The following PAPSS2 variants were observed in gnomAD, a reference collection of about 807,000 sequenced individuals.
PAPSS2 encodes the protein bifunctional 3'-phosphoadenosine 5'-phosphosulfate synthase 2.
A neutral mutation model predicts 66.5 loss-of-function variants in PAPSS2; 61 were observed. The ratio of observed to expected loss-of-function variants is 0.92; its 90% CI spans 0.75 to 1.14. PAPSS2 has a LOEUF of 1.14. Ranked by LOEUF, PAPSS2 falls within the 50% of genes most tolerant of loss-of-function variation. PAPSS2 has a pLI of 0.00. For missense variants in PAPSS2, 708 were observed against 789.6 expected, an observed-to-expected ratio of 0.90 and a Z score of 1.24; for synonymous variants, 289 against 287.5, an observed-to-expected ratio of 1.01 and a Z score of -0.05.
chr10:87,732,530 A>T (rs1853742132), intron 9 of PAPSS2, among the ~76,000 whole-genome samples: 1 of 152,282 alleles, frequency 6.6e-6, no homozygotes, highest in South Asian at 2.1e-4. Context: ...TCTCAAAAAA[A>T]AAAAAAGTTT....
chr10:87,681,300 G>A (rs1853018082), intron 1 of PAPSS2, among the ~76,000 whole-genome samples: 1 of 152,194 alleles, frequency 6.6e-6, no homozygotes, highest in Non-Finnish European at 1.5e-5. Flanking sequence ...CCCTGGCTTT[G>A]AAGTTCTTGA....
At chr10:87,687,935 T>A (rs549075154) in intron 1 of PAPSS2, among the ~76,000 whole-genome samples, 1 of 152,222 alleles carries the variant, frequency 6.6e-6, no homozygotes, top group Non-Finnish European at 1.5e-5. Context: ...ATGATTTGAT[T>A]TAGACTGTGC....
intron 10 of PAPSS2, among the ~76,000 whole-genome samples, chr10:87,743,041 T>C (rs1255654155): frequency 2.0e-5 from 3 of 151,960 alleles, no homozygotes; most frequent in Admixed American, 1.3e-4. Flanking sequence ...AGGTCAGGGG[T>C]TCGAGACCAG....
chr10:87,678,082 A>G (rs1222096511), intron 1 of PAPSS2, among the ~76,000 whole-genome samples: 1 of 152,218 alleles, frequency 6.6e-6, no homozygotes, highest in African/African-American at 2.4e-5. Flanking sequence ...TATAATACAC[A>G]TTCAGATACT....
chr10:87,680,363 G>T (rs1853004283), intron 1 of PAPSS2, among the ~76,000 whole-genome samples: 1 of 152,162 alleles, frequency 6.6e-6, no homozygotes, highest in South Asian at 2.1e-4. Context: ...AAATGGTGGT[G>T]TGGGGTGCTT....
intron 1 of PAPSS2, among the ~76,000 whole-genome samples, chr10:87,688,443 T>TTTTATTTATTTA (rs60199058): frequency 0.043 from 5,967 of 138,086 alleles, 243 homozygotes; most frequent in Admixed American, 0.096. Context: ...TTCTTTTTTA[T>TTTTATTTATTTA]TTTATTTATT....
chr10:87,676,969 A>G (rs936615435), intron 1 of PAPSS2, among the ~76,000 whole-genome samples: 9 of 149,120 alleles, frequency 6.0e-5, no homozygotes, highest in Admixed American at 1.3e-4. Context: ...CGAGGCAGGC[A>G]GATCACTTGA....
At chr10:87,662,570 T>G (rs10887738) in intron 1 of PAPSS2, among the ~76,000 whole-genome samples, 1 of 40,776 alleles carries the variant, frequency 2.5e-5, no homozygotes, top group Non-Finnish European at 5.6e-5. Flanking sequence ...CCCCACCCCC[T>G]ATACACACAC....
At chr10:87,688,552 C>T (rs1041137212) in intron 1 of PAPSS2, among the ~76,000 whole-genome samples, 8 of 151,802 alleles carry the variant, frequency 5.3e-5, no homozygotes, top group East Asian at 1.9e-4. Context: ...CTCCGCCCCC[C>T]GGGTTCATGC....
chr10:87,685,922 T>A (rs543139928), intron 1 of PAPSS2, among the ~76,000 whole-genome samples: 54 of 152,296 alleles, frequency 3.5e-4, no homozygotes, highest in African/African-American at 1.3e-3. Context: ...GTTCTATTTC[T>A]GCATCTCTCC....
At chr10:87,714,282 C>A in intron 4 of PAPSS2, 100 bp downstream of exon 4, 1 of 1,340,574 alleles carries the variant, frequency 7.5e-7, no homozygotes, top group South Asian at 1.2e-5. Context: ...AAACTGTTTT[C>A]CAAAATTGCA....
rs997010059 is a variant in PAPSS2, at chr10:87,725,082, A to G, written c.881-2202A>G. Among the ~76,000 whole-genome samples, 10 of 152,140 alleles carry G rather than the reference A, an allele frequency of 6.6e-5. No individual in the cohort carries two copies. In the East Asian group the frequency reaches 1.9e-3, roughly 29 times the overall value. On this transcript the variant is annotated intron_variant, in intron 8 of 12. Transcript: ENST00000456849. Reference sequence around the variant, plus strand: ...GACTGATTGGATGAGGCCCACTCACATTCTGGAGGGTACTCTACTTTACTC... The same window carrying G: ...GACTGATTGGATGAGGCCCACTCACGTTCTGGAGGGTACTCTACTTTACTC...
At chr10:87,670,177 GC>G (rs1186187399) in intron 1 of PAPSS2, among the ~76,000 whole-genome samples, 1 of 152,190 alleles carries the variant, frequency 6.6e-6, no homozygotes. Context: ...AGTTTTTATT[GC>G]CTAGCCTTAC....
At chr10:87,689,340 CAAA>C (rs58947357) in intron 1 of PAPSS2, among the ~76,000 whole-genome samples, 2 of 98,584 alleles carry the variant, frequency 2.0e-5, no homozygotes, top group Admixed American at 1.1e-4. Context: ...AACTCCATCT[CAAA>C]AAAAAAAAAA....
intron 9 of PAPSS2, among the ~76,000 whole-genome samples, chr10:87,727,744 A>G (rs1399161191): frequency 6.6e-6 from 1 of 152,178 alleles, no homozygotes; most frequent in Non-Finnish European, 1.5e-5. Context: ...TCCTCAGCTA[A>G]ATGGGACCAG....
Position 87,747,360 on chromosome 10 carries a change from A to G in PAPSS2, c.*1390A>G, listed in dbSNP as rs1853954998. On this transcript the variant is annotated 3_prime_UTR_variant, in exon 13 of 13. Coordinates refer to ENST00000456849, the MANE Select transcript of PAPSS2 (RefSeq NM_001015880.2). ...TCTCTGGAAGAGACCTAAATTAGAA[A>G]GAGAAAACTGTGACAATTTTCATAT... The G allele has an allele frequency of 6.6e-6, 1 of 152,198 alleles. No individual in the cohort carries two copies. 9.4% of individuals were successfully genotyped at this position (152,198 alleles called of 1,614,324 possible). A position where few individuals can be genotyped will look rare whatever the true frequency, so the allele number is the denominator to read the frequency against.
chr10:87,744,764 T>C (rs1853915225), intron 11 of PAPSS2, among the ~76,000 whole-genome samples: 1 of 152,188 alleles, frequency 6.6e-6, no homozygotes, highest in South Asian at 2.1e-4. Context: ...GGAGAAGAGA[T>C]GAGGAAATAC....
In PAPSS2 at chr10:87,727,340, A is replaced by C; in HGVS notation, c.937A>C (p.Thr313Pro). Residue 313 changes from threonine (T) to proline (P), a missense_variant, in exon 9 of 13, where the codon ACA (threonine) becomes CCA (proline). Physicochemically the swap from Thr to Pro is conservative, Grantham distance 38 (BLOSUM62 -1). Transcript: ENST00000456849. ...IVLPVSAEDK[T>P]RLEGCSKFVL... Reference sequence around the variant, plus strand: ...ACTGCCCGTCTCTGCAGAGGATAAGACACGGCTGGAAGGGTGCAGCAAGTT... The same window carrying C: ...ACTGCCCGTCTCTGCAGAGGATAAGCCACGGCTGGAAGGGTGCAGCAAGTT... 6.2e-7 allele frequency: 1 copy of C among 1,614,116 alleles called. No individual in the cohort carries two copies. The highest frequency in any genetic ancestry group is 8.5e-7 in the Non-Finnish European group (1 of 1,180,014).
At chr10:87,726,670 G>T (rs1253149727) in intron 8 of PAPSS2, among the ~76,000 whole-genome samples, 3 of 152,124 alleles carry the variant, frequency 2.0e-5, no homozygotes. Flanking sequence ...GTATTACCCA[G>T]ATTGTGGCTG....
Sources: allele counts gnomAD v4.1 joint callset (sites outside exome capture counted in the v4.1 genomes callset), GRCh38; gene constraint gnomAD v4.1.1; transcripts MANE v1.5; gene names NCBI Gene and HGNC (gene_info 2026-07-23, HGNC 2026-07-21).